ITPR2: variants seen among roughly 807,000 people sequenced by gnomAD.
ITPR2 encodes inositol 1,4,5-trisphosphate receptor type 2, also known as inositol 1,4,5-trisphosphate-gated calcium channel ITPR2.
In ITPR2, 207 loss-of-function variants were observed where a neutral mutation model predicts 317.1. The ratio of observed to expected loss-of-function variants is 0.65; its 90% CI spans 0.58 to 0.73. The LOEUF (loss-of-function observed/expected upper bound fraction) is 0.73. Among genes scored for constraint, ITPR2 ranks in the 30% least tolerant of loss-of-function variants. The pLI is 0.00. For missense variants in ITPR2, 2,613 were observed against 3,284.0 expected, an observed-to-expected ratio of 0.80 and a Z score of 4.99; for synonymous variants, 1,156 against 1,149.1, an observed-to-expected ratio of 1.01 and a Z score of -0.12.
rs542614202 is a variant in ITPR2 at position 26,689,821 on chromosome 12, G to A, written c.997-3189C>T. On this transcript the variant is annotated intron_variant, in intron 10 of 56. Coordinates refer to ENST00000381340, the MANE Select transcript of ITPR2 (RefSeq NM_002223.4). ...AGAGGACAATGATTATGAAGAACACGGCATACAAAAGGAAGGAAGGAGGAG... is the reference window on the plus strand; with the variant it reads ...AGAGGACAATGATTATGAAGAACACAGCATACAAAAGGAAGGAAGGAGGAG... Among the ~76,000 whole-genome samples, 5 of 152,216 alleles carry A rather than the reference G, an allele frequency of 3.3e-5. No individual in the cohort carries two copies. The East Asian group carries it at 5.8e-4, about 18-fold the overall frequency.
At chr12:26,768,803 C>T (rs913408236) in intron 2 of ITPR2, among the ~76,000 whole-genome samples, 4 of 152,016 alleles carry the variant, frequency 2.6e-5, no homozygotes, top group African/African-American at 9.7e-5. Flanking sequence ...CTAAATAGAA[C>T]CAGAAGGACA....
At chr12:26,390,448 G>A (rs754498507) in intron 54 of ITPR2, among the ~76,000 whole-genome samples, 1 of 152,170 alleles carries the variant, frequency 6.6e-6, no homozygotes, top group Admixed American at 6.5e-5. Context: ...ACTGATACCT[G>A]CTACAACATG....
intron 1 of ITPR2, among the ~76,000 whole-genome samples, chr12:26,808,694 G>A (rs1205706122): frequency 2.0e-5 from 3 of 152,060 alleles, no homozygotes; most frequent in Non-Finnish European, 4.4e-5. Context: ...ATGGAAAGCT[G>A]CACAAAAAAT....
chr12:26,811,684 CAA>C (rs34379788), intron 1 of ITPR2, among the ~76,000 whole-genome samples: 2,029 of 80,082 alleles, frequency 0.025, 51 homozygotes, highest in African/African-American at 0.099. Context: ...GACTCTGTCT[CAA>C]AAAAAAAAAA....
chr12:26,734,678 T>C (rs1232587244), intron 2 of ITPR2, among the ~76,000 whole-genome samples: 1 of 151,820 alleles, frequency 6.6e-6, no homozygotes. Context: ...GTCACAGTTA[T>C]GTAATAGCAA....
chr12:26,682,686 C>T lies in ITPR2; in HGVS notation c.1149-13G>A, dbSNP rs202120402. Reference sequence around the variant, plus strand: ...AACATATGAGTTCCTAAAAGCAAAACAATATAAAAAAACAAATTATAAAAA... The same window carrying T: ...AACATATGAGTTCCTAAAAGCAAAATAATATAAAAAAACAAATTATAAAAA... On this transcript the variant is annotated splice_polypyrimidine_tract_variant and intron_variant, in intron 11 of 56. Transcript: ENST00000381340. The T allele has an allele frequency of 7.2e-5, 112 of 1,554,440 alleles. No homozygotes were observed. The African/African-American group carries it at 9.8e-4, about 14-fold the overall frequency.
chr12:26,578,948 A>T (rs1945334691), intron 33 of ITPR2, 115 bp from the exon 34 acceptor site: 9 of 1,030,282 alleles, frequency 8.7e-6, no homozygotes, highest in Non-Finnish European at 1.1e-5. Context: ...CAATCTTTCA[A>T]GTTTCAGTGC....
At chr12:26,808,367 C>T (rs1310266469) in intron 1 of ITPR2, among the ~76,000 whole-genome samples, 1 of 152,114 alleles carries the variant, frequency 6.6e-6, no homozygotes, top group East Asian at 1.9e-4. Flanking sequence ...TAGTAAAGAA[C>T]TAATAAAGTA....
At chr12:26,740,660 G>T (rs1949214922) in intron 2 of ITPR2, among the ~76,000 whole-genome samples, 1 of 152,214 alleles carries the variant, frequency 6.6e-6, no homozygotes, top group Admixed American at 6.5e-5. Flanking sequence ...GGAAATGGAT[G>T]TTGTGGAGGA....
At chr12:26,708,360 C>T (rs12315432) in intron 9 of ITPR2, among the ~76,000 whole-genome samples, 51,590 of 151,880 alleles carry the variant, frequency 0.34, 8,927 homozygotes, top group South Asian at 0.38. Context: ...TATACATCAA[C>T]AGATGAATGG....
chr12:26,384,337 T>G (rs545581431), intron 55 of ITPR2, among the ~76,000 whole-genome samples: 1 of 152,210 alleles, frequency 6.6e-6, no homozygotes, highest in Non-Finnish European at 1.5e-5. Flanking sequence ...ATAAGTAACC[T>G]TCCATGCAAA....
intron 48 of ITPR2, among the ~76,000 whole-genome samples, chr12:26,435,316 C>T (rs1356127923): frequency 1.3e-5 from 2 of 152,004 alleles, no homozygotes; most frequent in Non-Finnish European, 1.5e-5. Context: ...CAACCACCAC[C>T]ATTGAACTTT....
intron 50 of ITPR2, 145 bp from the exon 51 acceptor site, chr12:26,415,643 G>T: frequency 2.1e-6 from 1 of 477,580 alleles, no homozygotes; most frequent in Non-Finnish European, 3.6e-6. Flanking sequence ...ATGAACCAAA[G>T]TATTTATTTC....
At chr12:26,451,198 A>C (rs1183955068) in intron 45 of ITPR2, among the ~76,000 whole-genome samples, 1 of 152,184 alleles carries the variant, frequency 6.6e-6, no homozygotes, top group East Asian at 1.9e-4. Context: ...GTGGACAGAA[A>C]GGAGAACAGG....
At chr12:26,814,512 C>T (rs1950815040) in intron 1 of ITPR2, among the ~76,000 whole-genome samples, 1 of 152,170 alleles carries the variant, frequency 6.6e-6, no homozygotes, top group African/African-American at 2.4e-5. Context: ...TGGCACTTTG[C>T]AAGCTCTTCT....
intron 48 of ITPR2, among the ~76,000 whole-genome samples, chr12:26,435,518 T>C (rs918151795): frequency 5.3e-5 from 8 of 152,180 alleles, no homozygotes; most frequent in Admixed American, 1.3e-4. Context: ...AGCCCAAGCC[T>C]GTAACATACT....
intron 41 of ITPR2, among the ~76,000 whole-genome samples, chr12:26,484,333 T>C (rs1942613794): frequency 6.6e-6 from 1 of 152,032 alleles, no homozygotes; most frequent in African/African-American, 2.4e-5. Context: ...CAATTATAAA[T>C]AATCTCATAT....
At position 26,495,189 on chromosome 12, in the gene ITPR2, G is replaced by A. The variant is rs372572717; in HGVS notation, c.5145C>T (p.His1715=). The change falls in exon 38 of 57, where the codon CAC becomes CAT. Residue 1715 remains histidine (H), a synonymous_variant. Coordinates refer to ENST00000381340, the MANE Select transcript of ITPR2 (RefSeq NM_002223.4). ...CAGTTTTGGAGTAGGCTCCTGATAG[G>A]TGTCCATTCACACCAATACTATAAT... is the stretch of plus-strand genomic sequence containing the variant. ...KGDYSIGVNG[H]LSGAYSKTAQ... The A allele has an allele frequency of 3.7e-6, 6 of 1,608,644 alleles. No homozygotes were observed. Among genetic ancestry groups the A allele is most frequent in the South Asian group, 3.3e-5 (3 of 90,998 alleles).
intron 2 of ITPR2, among the ~76,000 whole-genome samples, chr12:26,761,775 C>T (rs138971081): frequency 1.4e-4 from 21 of 152,234 alleles, no homozygotes; most frequent in East Asian, 5.8e-4. Context: ...TCAGCCTGGG[C>T]GACAGAGCGA....
Sources: gnomAD v4.1 joint callset for allele counts (sites outside exome capture counted in the v4.1 genomes callset) on GRCh38, gnomAD v4.1.1 for gene constraint, MANE v1.5 for transcripts, NCBI Gene and HGNC (gene_info 2026-07-23, HGNC 2026-07-21) for gene names.